SLC25A26: variants seen among roughly 807,000 people sequenced by gnomAD.
The protein encoded by SLC25A26 is mitochondrial S-adenosylmethionine carrier protein.
Under a neutral mutation model 37.8 loss-of-function variants are expected in SLC25A26, and 36 were observed. That is an observed-to-expected ratio of 0.95 (90% CI 0.73 to 1.26). The LOEUF (loss-of-function observed/expected upper bound fraction) is 1.26. Ranked by LOEUF, SLC25A26 falls within the 50% of genes most tolerant of loss-of-function variation. The pLI is 0.00. For missense variants in SLC25A26, 390 were observed against 331.1 expected (o/e 1.18, Z -1.38); for synonymous variants, 129 against 122.5 (o/e 1.05, Z -0.35).
intron 1 of SLC25A26, among the ~76,000 whole-genome samples, chr3:66,209,717 A>T (rs1360278357): frequency 7.3e-6 from 1 of 137,710 alleles, no homozygotes; most frequent in Non-Finnish European, 1.5e-5. Flanking sequence ...AGATATATAT[A>T]TTTTATAGGT....
At chr3:66,302,399 C>G (rs953421179) in intron 5 of SLC25A26, among the ~76,000 whole-genome samples, 1 of 152,200 alleles carries the variant, frequency 6.6e-6, no homozygotes, top group African/African-American at 2.4e-5. Flanking sequence ...CAGTAATTGT[C>G]TAGAACAGAG....
chr3:66,261,960 T>C (rs2073545970), intron 3 of SLC25A26, 91 bp from the exon 4 acceptor site: 3 of 711,772 alleles, frequency 4.2e-6, no homozygotes, highest in African/African-American at 1.8e-5. Flanking sequence ...CTACATATTA[T>C]ACCTTTTTAC....
chr3:66,322,385 G>C (rs139470155), intron 5 of SLC25A26, among the ~76,000 whole-genome samples: 47 of 152,250 alleles, frequency 3.1e-4, no homozygotes, highest in Middle Eastern at 3.4e-3. Context: ...TCTAGTTTAT[G>C]GGATAAAAAT....
intron 1 of SLC25A26, among the ~76,000 whole-genome samples, chr3:66,134,416 G>T (rs967126587): frequency 9.8e-5 from 15 of 152,316 alleles, no homozygotes; most frequent in African/African-American, 3.6e-4. Flanking sequence ...TCATTGAGTT[G>T]TGTGTTTGTC....
chr3:66,169,224 C>T (rs908079933), intron 1 of SLC25A26, among the ~76,000 whole-genome samples: 2 of 152,196 alleles, frequency 1.3e-5, no homozygotes, highest in African/African-American at 2.4e-5. Flanking sequence ...CTATTAAGTA[C>T]TTACTAAGTA....
intron 5 of SLC25A26, among the ~76,000 whole-genome samples, chr3:66,318,913 G>C (rs1038542171): frequency 1.3e-5 from 2 of 152,134 alleles, no homozygotes; most frequent in Non-Finnish European, 2.9e-5. Context: ...GCCTCCCAAA[G>C]TGCTGGGATT....
At chr3:66,297,722 C>T (rs1440877264) in intron 5 of SLC25A26, among the ~76,000 whole-genome samples, 1 of 152,180 alleles carries the variant, frequency 6.6e-6, no homozygotes, top group Non-Finnish European at 1.5e-5. Context: ...TGTCTGCTTT[C>T]ACACAACAGT....
intron 5 of SLC25A26, among the ~76,000 whole-genome samples, chr3:66,321,699 AG>A (rs927686686): frequency 6.6e-6 from 1 of 151,554 alleles, no homozygotes. Context: ...ATTTTTCAAA[AG>A]TTTTCTTGGG....
chr3:66,178,713 A>C (rs1049784027), intron 1 of SLC25A26, among the ~76,000 whole-genome samples: 2 of 152,186 alleles, frequency 1.3e-5, no homozygotes, highest in African/African-American at 4.8e-5. Flanking sequence ...TAACGTTATG[A>C]ATCATCTTGT....
In SLC25A26 at chr3:66,221,141, G is replaced by T. The variant is rs1192100285; in HGVS notation, c.33+14G>T. Reference sequence around the variant, plus strand: ...GCAGCGCTGGTGGTGAGTGCGGGGCGGTGGGGTGGGTTGCTCAGAGTGCCG... The same window carrying T: ...GCAGCGCTGGTGGTGAGTGCGGGGCTGTGGGGTGGGTTGCTCAGAGTGCCG... On this transcript the variant is annotated intron_variant, in intron 1 of 9. Transcript: ENST00000354883. 6.6e-7 allele frequency: 1 copy of T among 1,512,716 alleles called. No individual in the cohort carries two copies. The highest frequency in any genetic ancestry group is 8.8e-7 in the Non-Finnish European group (1 of 1,137,698). The allele number at this position is 1,512,716 out of a possible 1,614,324, so 93.7% of individuals were successfully genotyped here.
rs782761312 is a variant in SLC25A26 at position 66,240,747 on chromosome 3, CTTTTTTTTT to C, written c.191-2448_191-2440del. Reference sequence around the variant, plus strand: ...CATGACAGGGCTAGCCTTTTCTTTTCTTTTTTTTTTTTTTTTGAGACAGAGTCTCACTCT... The same window carrying C: ...CATGACAGGGCTAGCCTTTTCTTTTCTTTTTTTGAGACAGAGTCTCACTCT... On this transcript the variant is annotated intron_variant, in intron 2 of 9. Transcript: ENST00000354883. Among the ~76,000 whole-genome samples the C allele has an allele frequency of 1.1e-4, 14 of 129,132 alleles. No homozygotes were observed. The East Asian group carries it at 2.9e-3, about 27-fold the overall frequency. 84.7% of individuals were successfully genotyped at this position (129,132 alleles called of 152,430 possible). A position where few individuals can be genotyped will look rare whatever the true frequency, so the allele number is the denominator to read the frequency against.
chr3:66,330,236 A>G (rs2107676585), intron 5 of SLC25A26, among the ~76,000 whole-genome samples: 1 of 152,286 alleles, frequency 6.6e-6, no homozygotes, highest in South Asian at 2.1e-4. Flanking sequence ...GAGAAACTGT[A>G]GGTAGAGCAG....
At chr3:66,350,960 T>A (rs56259270) in intron 6 of SLC25A26, among the ~76,000 whole-genome samples, 55,924 of 151,698 alleles carry the variant, frequency 0.37, 10,915 homozygotes, top group East Asian at 0.7. Flanking sequence ...TCTGTGTCAC[T>A]GACTCGTATT....
At chr3:66,257,970 CATCAAGT>C (rs1282903418) in intron 3 of SLC25A26, among the ~76,000 whole-genome samples, 1 of 152,330 alleles carries the variant, frequency 6.6e-6, no homozygotes, top group African/African-American at 2.4e-5. Flanking sequence ...CCCCCTTGCA[CATCAAGT>C]AGGGTGCTTG....
intron 5 of SLC25A26, among the ~76,000 whole-genome samples, chr3:66,281,996 ATTTTTTTTTTTTTTT>A (rs71105977): frequency 3.1e-5 from 2 of 64,512 alleles, no homozygotes; most frequent in Non-Finnish European, 5.5e-5. Context: ...CTGATTTTGC[ATTTTTTTTTTTTTTT>A]TTTTTTTTTT....
intron 7 of SLC25A26, among the ~76,000 whole-genome samples, chr3:66,369,176 A>T (rs1052641783): frequency 6.6e-6 from 1 of 152,196 alleles, no homozygotes; most frequent in Non-Finnish European, 1.5e-5. Flanking sequence ...ATGTGTACAC[A>T]TTCATCATGT....
At chr3:66,216,091 C>T (rs2071356839), upstream of SLC25A26, among the ~76,000 whole-genome samples, 2 of 152,144 alleles carry the variant, frequency 1.3e-5, no homozygotes, top group African/African-American at 4.8e-5. Context: ...TAGTCATATT[C>T]ACAAGGGAGG....
intron 1 of SLC25A26, among the ~76,000 whole-genome samples, chr3:66,164,333 A>AT (rs991902647): frequency 1.7e-4 from 26 of 152,162 alleles, no homozygotes; most frequent in African/African-American, 6.0e-4. Context: ...TCCCCAGAAT[A>AT]TTTTTTGCTT....
In SLC25A26 at chr3:66,263,314, G is replaced by A. The variant is rs1481893966; in HGVS notation, c.406-18G>A. 1.2e-6 allele frequency: 2 copies of A among 1,606,308 alleles called. No individual in the cohort carries two copies. Among genetic ancestry groups the A allele is most frequent in the East Asian group, 2.2e-5 (1 of 44,790 alleles). On this transcript the variant is annotated intron_variant, in intron 4 of 9. Coordinates refer to ENST00000354883, the MANE Select transcript of SLC25A26 (RefSeq NM_001379210.1). ...CTCTGCCATTCTTTCTGAACTCTCG[G>A]CTGTGTGTTTGTTTCAGGGTATCCA...
Sources: gnomAD v4.1 joint callset for allele counts (sites outside exome capture counted in the v4.1 genomes callset) on GRCh38, gnomAD v4.1.1 for gene constraint, MANE v1.5 for transcripts, NCBI Gene and HGNC (gene_info 2026-07-23, HGNC 2026-07-21) for gene names.